The following SLC27A5 variants were observed in gnomAD, a reference collection of about 807,000 sequenced individuals.
SLC27A5 encodes the protein long-chain fatty acid transport protein 5.
In SLC27A5, 47 loss-of-function variants were observed where a neutral mutation model predicts 63.1. The ratio of observed to expected loss-of-function variants is 0.74; its 90% CI spans 0.59 to 0.95. The LOEUF is 0.95. Ranked by LOEUF, SLC27A5 falls within the 40% of genes least tolerant of loss-of-function variation. The probability of loss-of-function intolerance (pLI) is 0.00; values close to 1 mark genes in which losing one functional copy is unlikely to be tolerated. For synonymous variants in SLC27A5, 391 were observed against 403.8 expected (o/e 0.97, Z 0.38); for missense variants, 940 against 921.0 (o/e 1.02, Z -0.27).
intron 3 of SLC27A5, among the ~76,000 whole-genome samples, chr19:58,503,161 C>T (rs1164556937): frequency 2.7e-5 from 4 of 148,746 alleles, no homozygotes; most frequent in African/African-American, 5.0e-5. Context: ...GCCGAGATAG[C>T]GCCACTGCAC....
chr19:58,510,672 T>C (rs751743827), intron 2 of SLC27A5, 49 bp downstream of exon 2: 6 of 1,474,792 alleles, frequency 4.1e-6, no homozygotes, highest in Admixed American at 4.3e-5. Flanking sequence ...TGGGGTCAGG[T>C]CAGCCTGAGA....
chr19:58,511,213 C>G (rs141155610), intron 1 of SLC27A5, 55 bp downstream of exon 1: 76 of 1,487,730 alleles, frequency 5.1e-5, no homozygotes, highest in East Asian at 3.4e-4. Context: ...GAACCCCTGT[C>G]CTATAGTCCC....
intron 3 of SLC27A5, among the ~76,000 whole-genome samples, chr19:58,506,012 A>G (rs925201281): frequency 4.0e-5 from 6 of 150,324 alleles, no homozygotes; most frequent in African/African-American, 1.5e-4. Context: ...TTAGCCAGGC[A>G]CGGTGGTGGG....
At position 58,498,819 on chromosome 19, in the gene SLC27A5, G is replaced by A. The variant is rs764993539; in HGVS notation, c.1862C>T (p.Pro621Leu). The A allele has an allele frequency of 2.5e-6, 4 of 1,613,938 alleles. No homozygotes were observed. The Admixed American group carries it at 5.0e-5, about 20-fold the overall frequency. ...GATGAAATGGGGGGTAGCGTAGGCA[G>A]GGAGCCAAGCGCGAACGTGCTGGTA... ...KLYQHVRAWL[P>L]AYATPHFIRI... Residue 621 changes from proline (P) to leucine (L), a missense_variant, in exon 9 of 10, where the codon CCT (proline) becomes CTT (leucine). By Grantham distance (98) the Pro-to-Leu change is moderately conservative. Coordinates refer to ENST00000263093, the MANE Select transcript of SLC27A5 (RefSeq NM_012254.3).
At chr19:58,503,886 TC>T (rs1200388230) in intron 3 of SLC27A5, among the ~76,000 whole-genome samples, 2 of 151,992 alleles carry the variant, frequency 1.3e-5, no homozygotes, top group Non-Finnish European at 2.9e-5. Flanking sequence ...GCCAACGTGT[TC>T]AGATCACTTG....
chr19:58,502,516 A>G (rs56050624), intron 3 of SLC27A5, among the ~76,000 whole-genome samples: 1 of 14,522 alleles, frequency 6.9e-5, no homozygotes, highest in African/African-American at 1.4e-4. Context: ...AGTGAGTGAG[A>G]AGATGGATGG....
chr19:58,501,319 G>T lies in SLC27A5; in HGVS notation c.1149C>A (p.Gly383=). 1 of 1,613,614 alleles carries T rather than the reference G, an allele frequency of 6.2e-7. No homozygotes were observed. The highest frequency in any genetic ancestry group is 8.5e-7 in the Non-Finnish European group (1 of 1,179,744). ...QHGVTVILYV[G]ELLRYLCNIP... is the part of the protein sequence containing the mutation. Reference sequence around the variant, plus strand: ...TGTTACACAAGTACCGCAGGAGCTCGCCCACATACAGGATCACTGTCACGC... The same window carrying T: ...TGTTACACAAGTACCGCAGGAGCTCTCCCACATACAGGATCACTGTCACGC... The change falls in exon 4 of 10, where the codon GGC becomes GGA. Residue 383 remains glycine, a synonymous_variant. Transcript: ENST00000263093.
chr19:58,498,710 G>C lies in SLC27A5; in HGVS notation c.1897-19C>G, dbSNP rs753485754. 4 of 1,611,882 alleles carry C rather than the reference G, an allele frequency of 2.5e-6. No individual in the cohort carries two copies. Among genetic ancestry groups the C allele is most frequent in the Non-Finnish European group, 3.4e-6 (4 of 1,178,410 alleles). On this transcript the variant is annotated intron_variant, in intron 9 of 9. Transcript: ENST00000263093. ...TGGCGTCCTGCAGGGCAGTGACCAT[G>C]GTCCAATCACTGTGACATCCACCCG...
intron 3 of SLC27A5, among the ~76,000 whole-genome samples, chr19:58,502,312 T>C (rs1238733207): frequency 6.9e-6 from 1 of 145,872 alleles, no homozygotes; most frequent in Non-Finnish European, 1.5e-5. Flanking sequence ...AGTGAGAAGA[T>C]GGATGGGTGA....
chr19:58,503,373 T>C (rs1008028841), intron 3 of SLC27A5, among the ~76,000 whole-genome samples: 3 of 151,396 alleles, frequency 2.0e-5, no homozygotes, highest in Admixed American at 6.6e-5. Context: ...TAATAAGATA[T>C]AGGGGGCTGG....
Position 58,498,407 on chromosome 19 carries a change from G to T in SLC27A5, c.*108C>A, listed in dbSNP as rs1365147951. ...TCATTTCCAGCCCACTGAGGTTGAGGGTATGGCCAGGCTGGGATTCACACA... is the reference window on the plus strand; with the variant it reads ...TCATTTCCAGCCCACTGAGGTTGAGTGTATGGCCAGGCTGGGATTCACACA... On this transcript the variant is annotated 3_prime_UTR_variant, in exon 10 of 10. Coordinates refer to ENST00000263093, the MANE Select transcript of SLC27A5 (RefSeq NM_012254.3). The T allele has an allele frequency of 6.9e-6, 8 of 1,156,186 alleles. No individual in the cohort carries two copies. The highest frequency in any genetic ancestry group is 3.1e-5 in the African/African-American group (2 of 64,730). The allele number at this position is 1,156,186 out of a possible 1,614,324, so 71.6% of individuals were successfully genotyped here.
In SLC27A5 at chr19:58,500,518, G is replaced by A; in HGVS notation, c.1371C>T (p.Leu457=). Reference sequence around the variant, plus strand: ...CAGGTACCCGCACACTCACTCGGAGGAGGCAGCTCATCTTGCCCAGGGCCC... The same window carrying A: ...CAGGTACCCGCACACTCACTCGGAGAAGGCAGCTCATCTTGCCCAGGGCCC... ...RCGALGKMSC[L]LRMLSPFELV... Residue 457 remains leucine (L), a synonymous_variant, in exon 5 of 10, where the codon CTC becomes CTT. Coordinates refer to ENST00000263093, the MANE Select transcript of SLC27A5 (RefSeq NM_012254.3). The A allele has an allele frequency of 6.2e-7, 1 of 1,613,976 alleles. No homozygotes were observed. Among genetic ancestry groups the A allele is most frequent in the Non-Finnish European group, 8.5e-7 (1 of 1,179,972 alleles).
rs770786072 is a variant in SLC27A5, at chr19:58,498,804, G to T, written c.1877C>A (p.Pro626His). ...VRAWLPAYAT[P>H]HFIRIQDAME... The stretch of plus-strand genomic sequence containing the variant: ...GCTCACCTGGATGCGGATGAAATGG[G>T]GGGTAGCGTAGGCAGGGAGCCAAGC... Residue 626 changes from proline to histidine, a missense_variant, in exon 9 of 10, where the codon CCC becomes CAC. Transcript: ENST00000263093. 11 of 1,613,992 alleles carry T rather than the reference G, an allele frequency of 6.8e-6. No individual in the cohort carries two copies. Among genetic ancestry groups the T allele is most frequent in the Non-Finnish European group, 9.3e-6 (11 of 1,179,982 alleles).
chr19:58,510,574 G>GA (rs113221451), intron 2 of SLC27A5, 147 bp downstream of exon 2: 33,204 of 590,030 alleles, frequency 0.056, no homozygotes, highest in South Asian at 0.076. Flanking sequence ...ACTCTGCCTC[G>GA]AAAAAAAAAA....
intron 2 of SLC27A5, 176 bp downstream of exon 2, chr19:58,510,545 G>T (rs1302987037): frequency 5.0e-6 from 3 of 597,954 alleles, no homozygotes; most frequent in Non-Finnish European, 8.5e-6. Flanking sequence ...CTGCAGTCCA[G>T]CCTAGGCGAC....
intron 3 of SLC27A5, among the ~76,000 whole-genome samples, chr19:58,504,708 T>C (rs530787390): frequency 1.8e-4 from 25 of 135,198 alleles, no homozygotes; most frequent in African/African-American, 6.1e-4. Flanking sequence ...GGGAAGTACA[T>C]GTGAAATTAA....
intron 8 of SLC27A5, 68 bp downstream of exon 8, chr19:58,499,055 G>C: frequency 6.2e-7 from 1 of 1,603,534 alleles, no homozygotes; most frequent in Non-Finnish European, 8.5e-7. Flanking sequence ...TTCCCCACCT[G>C]TAAAATCAGA....
chr19:58,502,243 G>A (rs2053282619), intron 3 of SLC27A5, among the ~76,000 whole-genome samples: 2 of 151,252 alleles, frequency 1.3e-5, no homozygotes, highest in African/African-American at 4.9e-5. Context: ...TGAGTGAGTA[G>A]ATGGATGGGT....
At chr19:58,501,982 T>C (rs1014163039) in intron 3 of SLC27A5, among the ~76,000 whole-genome samples, 1 of 152,186 alleles carries the variant, frequency 6.6e-6, no homozygotes, top group African/African-American at 2.4e-5. Context: ...CCAGCCACAT[T>C]TTTAATTTTT....
Sources: gnomAD v4.1 joint callset for allele counts (sites outside exome capture counted in the v4.1 genomes callset) on GRCh38, gnomAD v4.1.1 for gene constraint, MANE v1.5 for transcripts, NCBI Gene and HGNC (gene_info 2026-07-23, HGNC 2026-07-21) for gene names.